The following SUSD3 variants were observed in gnomAD, a reference collection of about 807,000 sequenced individuals.
The protein encoded by SUSD3 is sushi domain containing 3.
A neutral mutation model predicts 20.6 loss-of-function variants in SUSD3; 18 were observed. The observed-to-expected ratio is 0.87, with a 90% CI of 0.60 to 1.30. The LOEUF (loss-of-function observed/expected upper bound fraction) is 1.30, where lower values mean the gene tolerates loss of function less well. Among genes scored for constraint, SUSD3 ranks in the 50% most tolerant of loss-of-function variants. The pLI is 0.00. For missense variants in SUSD3, 306 were observed against 346.9 expected (o/e 0.88, Z 0.94); for synonymous variants, 137 against 141.5 (o/e 0.97, Z 0.23).
intron 1 of SUSD3, chr9:93,069,247 C>T (rs1825826734): frequency 1.5e-6 from 1 of 659,220 alleles, no homozygotes; most frequent in Non-Finnish European, 2.8e-6. Context: ...TAGTAGCCCT[C>T]TGGGTTATCA....
At chr9:93,071,797 A>T (rs1825922210) in intron 1 of SUSD3, among the ~76,000 whole-genome samples, 1 of 152,080 alleles carries the variant, frequency 6.6e-6, no homozygotes, top group Non-Finnish European at 1.5e-5. Context: ...TGGTGATCAC[A>T]TTTCCAGCTG....
At chr9:93,066,134 G>A (rs574613970) in intron 1 of SUSD3, among the ~76,000 whole-genome samples, 12 of 152,246 alleles carry the variant, frequency 7.9e-5, no homozygotes, top group Middle Eastern at 3.4e-3. Context: ...TCTGTGTACC[G>A]CCCCTAGAAA....
At chr9:93,068,116 T>C (rs1233553471) in intron 1 of SUSD3, among the ~76,000 whole-genome samples, 1 of 152,246 alleles carries the variant, frequency 6.6e-6, no homozygotes, top group African/African-American at 2.4e-5. Context: ...ATGCCTCTTA[T>C]CAGATACATG....
At chr9:93,080,063 C>T (rs954671407) in intron 4 of SUSD3, among the ~76,000 whole-genome samples, 7 of 152,174 alleles carry the variant, frequency 4.6e-5, no homozygotes, top group African/African-American at 1.2e-4. Flanking sequence ...CTTGGTGGCT[C>T]ACACCTGTAA....
chr9:93,082,829 A>G (rs924232795), intron 4 of SUSD3, among the ~76,000 whole-genome samples: 1 of 152,160 alleles, frequency 6.6e-6, no homozygotes, highest in Admixed American at 6.5e-5. Context: ...TCAAGGCAAC[A>G]TGGTGTCCAG....
chr9:93,059,655 G>A (rs1352949935), intron 1 of SUSD3, among the ~76,000 whole-genome samples: 2 of 152,140 alleles, frequency 1.3e-5, no homozygotes, highest in African/African-American at 4.8e-5. Context: ...CGTCTCAGGC[G>A]TTGCGGGGCT....
Position 93,058,711 on chromosome 9 carries a change from C to A in SUSD3, c.-32C>A. 1 of 1,213,430 alleles carries A rather than the reference C, an allele frequency of 8.2e-7. No individual in the cohort carries two copies. The highest frequency in any genetic ancestry group is 1.0e-6 in the Non-Finnish European group (1 of 970,954). 75.2% of individuals were successfully genotyped at this position (1,213,430 alleles called of 1,614,324 possible). A position where few individuals can be genotyped will look rare whatever the true frequency, so the allele number is the denominator to read the frequency against. ...CCACAAGCCGGGCTCACTCCCCTGG[C>A]AGACCCCGCCAAGCGCCTCGGAGCG... On this transcript the variant is annotated 5_prime_UTR_variant, in exon 1 of 5. Transcript: ENST00000375472.
rs1438350845 is a variant in SUSD3 at position 93,075,666 on chromosome 9, C to A, written c.89-118C>A. The stretch of plus-strand genomic sequence containing the variant: ...GCATCCAATGGCCTTTGGAGCTGCA[C>A]CCCACCCCTGTGCTCCCCAATGCTG... On this transcript the variant is annotated intron_variant, in intron 1 of 4. Coordinates refer to ENST00000375472, the MANE Select transcript of SUSD3 (RefSeq NM_145006.4). The A allele has an allele frequency of 4.1e-6, 3 of 733,974 alleles. No homozygotes were observed. In the African/African-American group the frequency reaches 5.3e-5, roughly 13 times the overall value. 45.5% of individuals were successfully genotyped at this position (733,974 alleles called of 1,614,324 possible). A position where few individuals can be genotyped will look rare whatever the true frequency, so the allele number is the denominator to read the frequency against.
intron 1 of SUSD3, among the ~76,000 whole-genome samples, chr9:93,074,998 A>C (rs1376892945): frequency 2.6e-5 from 4 of 152,186 alleles, no homozygotes; most frequent in African/African-American, 9.7e-5. Flanking sequence ...GAAAGGTTGG[A>C]TCTGTACCCC....
Position 93,084,568 on chromosome 9 carries a change from A to C in SUSD3, c.589A>C (p.Ser197Arg). ...TGGTGAGAGCACCAGCAAGCTGGCC[A>C]GTGTGACCCGCAGCGTGGACAAGGA... ...DHGESTSKLA[S>R]VTRSVDKDPG... The change falls in exon 5 of 5, where the codon AGT becomes CGT. Residue 197 changes from serine (S) to arginine (R), a missense_variant. Physicochemically the swap from Ser to Arg is moderately radical, Grantham distance 110. Coordinates refer to ENST00000375472, the MANE Select transcript of SUSD3 (RefSeq NM_145006.4). 4.4e-6 allele frequency: 7 copies of C among 1,600,242 alleles called. No homozygotes were observed. The highest frequency in any genetic ancestry group is 6.0e-6 in the Non-Finnish European group (7 of 1,173,354).
intron 3 of SUSD3, among the ~76,000 whole-genome samples, chr9:93,078,293 G>A (rs1478291398): frequency 6.6e-6 from 1 of 152,150 alleles, no homozygotes; most frequent in Non-Finnish European, 1.5e-5. Context: ...GTCTTGCTCT[G>A]TCACCCAGGC....
At position 93,058,705 on chromosome 9, in the gene SUSD3, C is replaced by G; in HGVS notation, c.-38C>G. On this transcript the variant is annotated 5_prime_UTR_variant, in exon 1 of 5. Coordinates refer to ENST00000375472, the MANE Select transcript of SUSD3 (RefSeq NM_145006.4). The stretch of plus-strand genomic sequence containing the variant: ...CCGCCCCCACAAGCCGGGCTCACTC[C>G]CCTGGCAGACCCCGCCAAGCGCCTC... 1 of 1,199,152 alleles carries G rather than the reference C, an allele frequency of 8.3e-7. No individual in the cohort carries two copies. The highest frequency in any genetic ancestry group is 1.0e-6 in the Non-Finnish European group (1 of 958,044). The allele number at this position is 1,199,152 out of a possible 1,614,324, so 74.3% of individuals were successfully genotyped here.
At chr9:93,076,782 G>A (rs1259365181) in intron 2 of SUSD3, among the ~76,000 whole-genome samples, 1 of 152,226 alleles carries the variant, frequency 6.6e-6, no homozygotes, top group Non-Finnish European at 1.5e-5. Context: ...AGGCAGATCT[G>A]TATAGGCTCC....
chr9:93,072,537 C>T (rs921590788), intron 1 of SUSD3, among the ~76,000 whole-genome samples: 3 of 152,210 alleles, frequency 2.0e-5, no homozygotes, highest in Admixed American at 2.0e-4. Flanking sequence ...CCATTAATAG[C>T]CGTGGCACAC....
intron 2 of SUSD3, 60 bp downstream of exon 2, chr9:93,076,032 C>A: frequency 6.9e-7 from 1 of 1,449,308 alleles, no homozygotes; most frequent in Non-Finnish European, 9.4e-7. Context: ...CAAATCCTGT[C>A]ATGGGGATGG....
At chr9:93,081,014 A>G (rs1826392117) in intron 4 of SUSD3, among the ~76,000 whole-genome samples, 1 of 152,174 alleles carries the variant, frequency 6.6e-6, no homozygotes, top group Non-Finnish European at 1.5e-5. Context: ...TCCCATTCTC[A>G]TGGTCACCAG....
At chr9:93,063,766 C>T (rs1173469268) in intron 1 of SUSD3, among the ~76,000 whole-genome samples, 2 of 152,054 alleles carry the variant, frequency 1.3e-5, no homozygotes, top group African/African-American at 4.8e-5. Flanking sequence ...GAAAGCCATT[C>T]CAGCAGTGCA....
intron 1 of SUSD3, among the ~76,000 whole-genome samples, chr9:93,073,106 C>T (rs1431585691): frequency 6.6e-6 from 1 of 152,084 alleles, no homozygotes; most frequent in East Asian, 1.9e-4. Context: ...GCCATCACCC[C>T]CATCTCTGGG....
At position 93,084,921 on chromosome 9, in the gene SUSD3, G is replaced by A. The variant is rs1046675307; in HGVS notation, c.*174G>A. 8.3e-5 allele frequency: 45 copies of A among 545,072 alleles called. No individual in the cohort carries two copies. The African/African-American group carries it at 8.7e-4, about 11-fold the overall frequency. 33.8% of individuals were successfully genotyped at this position (545,072 alleles called of 1,614,324 possible). A position where few individuals can be genotyped will look rare whatever the true frequency, so the allele number is the denominator to read the frequency against. On this transcript the variant is annotated 3_prime_UTR_variant, in exon 5 of 5. Coordinates refer to ENST00000375472, the MANE Select transcript of SUSD3 (RefSeq NM_145006.4). ...GGGCCGAGCTGACATCCAAGGCTGA[G>A]GACCCCAGTGGGGAGTGTTCTGTTC...
Sources: allele counts gnomAD v4.1 joint callset (sites outside exome capture counted in the v4.1 genomes callset), GRCh38; gene constraint gnomAD v4.1.1; transcripts MANE v1.5; gene names NCBI Gene and HGNC (gene_info 2026-07-23, HGNC 2026-07-21).